Variants in FN1 observed in about 807,000 individuals in gnomAD.
FN1 encodes fibronectin 1.
In FN1, 106 loss-of-function variants were observed where a neutral mutation model predicts 297.3. That is an observed-to-expected ratio of 0.36 (90% CI 0.30 to 0.42). The LOEUF is 0.42. Among genes scored for constraint, FN1 ranks in the 10% least tolerant of loss-of-function variants. FN1 has a pLI of 1.00. For synonymous variants in FN1, 1,149 were observed against 1,152.6 expected, an observed-to-expected ratio of 1.00 and a Z score of 0.06; for missense variants, 2,690 against 3,124.9, an observed-to-expected ratio of 0.86 and a Z score of 3.32.
Position 215,397,836 on chromosome 2 carries a change from G to T in FN1, c.3361C>A (p.Pro1121Thr). 1.2e-6 allele frequency: 2 copies of T among 1,614,106 alleles called. No individual in the cohort carries two copies. The highest frequency in any genetic ancestry group is 1.7e-6 in the Non-Finnish European group (2 of 1,179,988). The change falls in exon 22 of 46, where the codon CCA becomes ACA. Residue 1121 changes from proline to threonine, a missense_variant. By Grantham distance (38) the Pro-to-Thr change is conservative. Coordinates refer to ENST00000354785, the MANE Select transcript of FN1 (RefSeq NM_212482.4). ...CGTGGTGCCTCTCCTCCCTGGCTTG[G>T]TCGTACACCCAGCTAGAGGAAGGAA... Reference protein sequence around the residue: ...PRIGFKLGVRPSQGGEAPREV... With the variant: ...PRIGFKLGVRTSQGGEAPREV...
At chr2:215,404,982 T>C (rs114964343) in intron 19 of FN1, among the ~76,000 whole-genome samples, 1 of 152,306 alleles carries the variant, frequency 6.6e-6, no homozygotes, top group Non-Finnish European at 1.5e-5. Context: ...AAACAAACAC[T>C]TCTGAAGTTC....
chr2:215,418,674 C>A (rs1180415007), intron 12 of FN1, among the ~76,000 whole-genome samples: 1 of 152,076 alleles, frequency 6.6e-6, no homozygotes, highest in Non-Finnish European at 1.5e-5. Context: ...CTGGAAAAAC[C>A]CAGCAATAAA....
Position 215,375,561 on chromosome 2 carries a change from G to C in FN1, c.5977+68C>G. 5 of 1,307,434 alleles carry C rather than the reference G, an allele frequency of 3.8e-6. No homozygotes were observed. The South Asian group carries it at 6.0e-5, about 16-fold the overall frequency. The allele number at this position is 1,307,434 out of a possible 1,614,324, so 81.0% of individuals were successfully genotyped here. A position where few individuals can be genotyped will look rare whatever the true frequency, so the allele number is the denominator to read the frequency against. On this transcript the variant is annotated intron_variant, in intron 37 of 45. Coordinates refer to ENST00000354785, the MANE Select transcript of FN1 (RefSeq NM_212482.4). ...ATACAAAAATATACGCCTCACATTT[G>C]TTTTTTGAGTTCATGAAACTGATTG...
At chr2:215,398,289 T>C (rs188087701) in intron 21 of FN1, among the ~76,000 whole-genome samples, 100 of 152,366 alleles carry the variant, frequency 6.6e-4, no homozygotes, top group African/African-American at 2.1e-3. Context: ...AGCAACTGTA[T>C]TGCAAAAACA....
intron 33 of FN1, 82 bp downstream of exon 33, chr2:215,380,729 T>C (rs1373413919): frequency 6.8e-7 from 1 of 1,471,848 alleles, no homozygotes; most frequent in African/African-American, 1.4e-5. Flanking sequence ...CGGGAATCAA[T>C]AGCCCAGTGA....
In FN1 at chr2:215,371,044, C is replaced by T. The variant is rs904133873; in HGVS notation, c.6715-612G>A. ...CAGCACTTTGGGAGGCCAAGGCGGG[C>T]GGATCACGAGGTCAGGAGATCGAGA... On this transcript the variant is annotated intron_variant, in intron 40 of 45. Transcript: ENST00000354785. Among the ~76,000 whole-genome samples the T allele has an allele frequency of 5.3e-5, 8 of 152,086 alleles. 1 individual carries two copies. The highest frequency in any genetic ancestry group is 1.4e-4 in the African/African-American group (6 of 41,416).
chr2:215,404,706 A>G, intron 19 of FN1, 51 bp from the exon 20 acceptor site: 2 of 1,518,096 alleles, frequency 1.3e-6, no homozygotes, highest in Non-Finnish European at 1.8e-6. Context: ...AGTAATGATC[A>G]TAACTCAAGT....
chr2:215,381,921 A>G, intron 32 of FN1: 1 of 387,516 alleles, frequency 2.6e-6, no homozygotes, highest in East Asian at 6.3e-5. Flanking sequence ...GGTCTAGGAA[A>G]ATTTTTTGTA....
intron 8 of FN1, 105 bp downstream of exon 8, chr2:215,424,041 G>T: frequency 2.6e-6 from 3 of 1,148,400 alleles, no homozygotes; most frequent in South Asian, 1.2e-5. Flanking sequence ...CAAAAGCGAT[G>T]CTTCTTGGGC....
chr2:215,428,381 C>G, intron 5 of FN1, 43 bp from the exon 6 acceptor site: 1 of 1,584,708 alleles, frequency 6.3e-7, no homozygotes, highest in East Asian at 2.2e-5. Flanking sequence ...GGTCGAGAGT[C>G]GCAAGTGGTC....
At chr2:215,377,476 T>C (rs2057508780) in intron 35 of FN1, among the ~76,000 whole-genome samples, 1 of 151,862 alleles carries the variant, frequency 6.6e-6, no homozygotes, top group Non-Finnish European at 1.5e-5. Flanking sequence ...CCCCCAACTC[T>C]CTCTCTCTCT....
rs762631153 is a variant in FN1, at chr2:215,375,440, A to C, written c.5978-47T>G. 3.2e-6 allele frequency: 5 copies of C among 1,556,880 alleles called. No individual in the cohort carries two copies. In the South Asian group the frequency reaches 5.7e-5, roughly 18 times the overall value. ...TCTCTAAGAAGGCAAATAACCAAGAAAATTACTCCCACACTTTTCTCCCGA... is the reference window on the plus strand; with the variant it reads ...TCTCTAAGAAGGCAAATAACCAAGACAATTACTCCCACACTTTTCTCCCGA... On this transcript the variant is annotated intron_variant, in intron 37 of 45. Coordinates refer to ENST00000354785, the MANE Select transcript of FN1 (RefSeq NM_212482.4).
intron 23 of FN1, 26 bp from the exon 24 acceptor site, chr2:215,394,745 A>G (rs1470211319): frequency 6.4e-7 from 1 of 1,572,072 alleles, no homozygotes; most frequent in Middle Eastern, 1.7e-4. Context: ...AAGGGAAGTT[A>G]TTGCACAGAG....
At chr2:215,374,429 G>C (rs2056874876) in intron 38 of FN1, among the ~76,000 whole-genome samples, 1 of 152,166 alleles carries the variant, frequency 6.6e-6, no homozygotes, top group South Asian at 2.1e-4. Flanking sequence ...GGAGGTGATT[G>C]GATCATGGGG....
In FN1 at chr2:215,431,839, G is replaced by A; in HGVS notation, c.541C>T (p.Pro181Ser). The A allele has an allele frequency of 6.2e-7, 1 of 1,614,086 alleles. No individual in the cohort carries two copies. ...AGCCCTAAGACTCACACACCTATGG[G>A]CTTGCAGGTCCATTCTCCTTTTCCA... ...GNGKGEWTCKPIAEKCFDHAA... is the reference protein window; with the variant it reads ...GNGKGEWTCKSIAEKCFDHAA... Residue 181 changes from proline (P) to serine (S), a missense_variant, in exon 4 of 46, where the codon CCC (proline) becomes TCC (serine). Transcript: ENST00000354785.
chr2:215,424,982 G>A (rs1377705536), intron 7 of FN1, 112 bp downstream of exon 7: 3 of 951,728 alleles, frequency 3.2e-6, no homozygotes, highest in Admixed American at 3.4e-5. Context: ...TCACAGGGTG[G>A]TAAGATTACA....
At chr2:215,367,682 AG>A (rs1431378866) in intron 42 of FN1, 180 bp downstream of exon 42, 1 of 666,668 alleles carries the variant, frequency 1.5e-6, no homozygotes, top group African/African-American at 1.8e-5. Flanking sequence ...ATGTCCAACA[AG>A]TAAAATTTCC....
chr2:215,432,061 G>A (rs572200245), intron 3 of FN1, 97 bp from the exon 4 acceptor site: 2 of 1,431,344 alleles, frequency 1.4e-6, no homozygotes, highest in East Asian at 2.3e-5. Context: ...GTTGGCTAAA[G>A]TAGAGACACA....
rs944850997 is a variant in FN1, at chr2:215,360,981, A to G, written c.*574T>C. On this transcript the variant is annotated 3_prime_UTR_variant, in exon 46 of 46. Coordinates refer to ENST00000354785, the MANE Select transcript of FN1 (RefSeq NM_212482.4). Reference sequence around the variant, plus strand: ...ATACCAAATTCCTCTTATCAACTGCATACTAAGTGTTTTCAATACAATTTT... The same window carrying G: ...ATACCAAATTCCTCTTATCAACTGCGTACTAAGTGTTTTCAATACAATTTT... The G allele has an allele frequency of 6.4e-6, 1 of 156,236 alleles. No homozygotes were observed. Among genetic ancestry groups the G allele is most frequent in the Non-Finnish European group, 1.4e-5 (1 of 70,192 alleles). 9.7% of individuals were successfully genotyped at this position (156,236 alleles called of 1,614,324 possible).
Sources: gnomAD v4.1 joint callset for allele counts (sites outside exome capture counted in the v4.1 genomes callset) on GRCh38, gnomAD v4.1.1 for gene constraint, MANE v1.5 for transcripts, NCBI Gene and HGNC (gene_info 2026-07-23, HGNC 2026-07-21) for gene names.